The following MAN1C1 variants were observed in gnomAD, a reference collection of about 807,000 sequenced individuals.
The protein encoded by MAN1C1 is mannosyl-oligosaccharide 1,2-alpha-mannosidase IC.
MAN1C1 carries 49 observed loss-of-function variants against 71.5 expected under a neutral mutation model. That is an observed-to-expected ratio of 0.69 (90% CI 0.54 to 0.87). The LOEUF (loss-of-function observed/expected upper bound fraction) is 0.87, where lower values mean the gene tolerates loss of function less well. MAN1C1 is among the 40% of genes least tolerant of loss of function. The pLI is 0.00. For missense variants in MAN1C1, 743 were observed against 835.0 expected, an observed-to-expected ratio of 0.89 and a Z score of 1.36; for synonymous variants, 352 against 343.7, an observed-to-expected ratio of 1.02 and a Z score of -0.27.
intron 1 of MAN1C1, among the ~76,000 whole-genome samples, chr1:25,633,878 A>G (rs1271339026): frequency 2.6e-5 from 4 of 152,066 alleles, no homozygotes; most frequent in Non-Finnish European, 4.4e-5. Context: ...GCTCTGTTTT[A>G]TGCTTTCAAG....
chr1:25,769,926 C>A lies in MAN1C1; in HGVS notation c.1142-1731C>A, dbSNP rs1449244356. 6.6e-6 allele frequency among the ~76,000 whole-genome samples: 1 copy of A among 152,134 alleles called. No individual in the cohort carries two copies. Among genetic ancestry groups the A allele is most frequent in the Admixed American group, 6.5e-5 (1 of 15,284 alleles). ...CCGTGGCCACCCTATGGGGAGGGAC[C>A]GGGAGCAGGCTTGTGAGAATGCCTG... is the stretch of plus-strand genomic sequence containing the variant. On this transcript the variant is annotated intron_variant, in intron 7 of 11. Coordinates refer to ENST00000374332, the MANE Select transcript of MAN1C1 (RefSeq NM_020379.4). This position sits in a 1 kb window ranked among gnomAD's most constrained non-coding sequence, Gnocchi z 4.8.
At position 25,745,607 on chromosome 1, in the gene MAN1C1, GA is replaced by G. The variant is rs573601621; in HGVS notation, c.638-1060del. 1.8e-3 allele frequency among the ~76,000 whole-genome samples: 274 copies of G among 152,306 alleles called. 1 individual carries two copies. Among genetic ancestry groups the G allele is most frequent in the Non-Finnish European group, 2.7e-3 (183 of 68,022 alleles). ...GGCACAGGTCGACCTCACCTGCGTGGATGACTGCATGGTATCCTATTTTATA... is the reference window on the plus strand; with the variant it reads ...GGCACAGGTCGACCTCACCTGCGTGGTGACTGCATGGTATCCTATTTTATA... On this transcript the variant is annotated intron_variant, in intron 2 of 11. Coordinates refer to ENST00000374332, the MANE Select transcript of MAN1C1 (RefSeq NM_020379.4).
chr1:25,771,405 T>C (rs2047549100), intron 7 of MAN1C1, among the ~76,000 whole-genome samples: 1 of 152,036 alleles, frequency 6.6e-6, no homozygotes, highest in Non-Finnish European at 1.5e-5. Context: ...CGAGGTGATT[T>C]ATAGCACCCG....
intron 1 of MAN1C1, among the ~76,000 whole-genome samples, chr1:25,679,656 A>G (rs1171919424): frequency 6.6e-6 from 1 of 151,582 alleles, no homozygotes; most frequent in Non-Finnish European, 1.5e-5. Context: ...AAACGTTAAC[A>G]TTAATTTTAC....
rs2047626501 is a variant in MAN1C1 at position 25,776,935 on chromosome 1, C to T, written c.1258-1170C>T. On this transcript the variant is annotated intron_variant, in intron 8 of 11. Transcript: ENST00000374332. This position sits in a 1 kb window ranked among gnomAD's most constrained non-coding sequence, Gnocchi z 4.3. ...AGTTAATGCTCTTATCCCCAGTTTA[C>T]ACGTTAGGAAACTGAGGCACAGAGA... 6.6e-6 allele frequency among the ~76,000 whole-genome samples: 1 copy of T among 152,170 alleles called. No homozygotes were observed. The highest frequency in any genetic ancestry group is 2.4e-5 in the African/African-American group (1 of 41,424).
intron 7 of MAN1C1, among the ~76,000 whole-genome samples, chr1:25,768,176 C>A (rs2047476604): frequency 8.4e-6 from 1 of 119,360 alleles, no homozygotes; most frequent in Admixed American, 8.3e-5. Flanking sequence ...CCTCACACAC[C>A]CACAGTCCCC....
intron 4 of MAN1C1, among the ~76,000 whole-genome samples, chr1:25,749,860 C>T (rs71638392): frequency 6.6e-6 from 1 of 152,358 alleles, no homozygotes; most frequent in African/African-American, 2.4e-5. Flanking sequence ...CCCTCCCCTC[C>T]TGGGCCAACC....
chr1:25,644,518 A>ATATATATATTTTTTTTTT (rs61386117), intron 1 of MAN1C1: 1 of 40,286 alleles, frequency 2.5e-5, no homozygotes, highest in African/African-American at 1.9e-4. Flanking sequence ...ATATATATAT[A>ATATATATATTTTTTTTTT]TTTTTTTTTT....
intron 2 of MAN1C1, chr1:25,709,468 C>G (rs1375841894): frequency 1.3e-5 from 2 of 152,236 alleles, no homozygotes; most frequent in African/African-American, 4.8e-5. Flanking sequence ...GAGGCAGGCA[C>G]GCAGATGTTT....
chr1:25,678,565 A>C (rs1171107719), intron 1 of MAN1C1, among the ~76,000 whole-genome samples: 2 of 152,212 alleles, frequency 1.3e-5, no homozygotes, highest in Non-Finnish European at 2.9e-5. Flanking sequence ...TAATAACTTT[A>C]AAAGTTTTTT....
At chr1:25,768,377 A>ACACAGACC (rs2047485580) in intron 7 of MAN1C1, among the ~76,000 whole-genome samples, 1 of 94,032 alleles carries the variant, frequency 1.1e-5, no homozygotes. Context: ...CTCCCCCCAC[A>ACACAGACC]CACACTCCCC....
rs2047608073 is a variant in MAN1C1, at chr1:25,775,529, G to A, written c.1258-2576G>A. 6.6e-6 allele frequency among the ~76,000 whole-genome samples: 1 copy of A among 152,356 alleles called. No individual in the cohort carries two copies. The highest frequency in any genetic ancestry group is 2.1e-4 in the South Asian group (1 of 4,832). On this transcript the variant is annotated intron_variant, in intron 8 of 11. Transcript: ENST00000374332. The surrounding 1 kb of genome is among the most constrained non-coding windows in gnomAD (Gnocchi z 5.1). ...GAGGCTGCTGCTGGTGGCTTCTGCT[G>A]TCACACGGCACTCAGAGTCTGAGAG...
At chr1:25,623,643 A>T (rs1231179017) in intron 1 of MAN1C1, among the ~76,000 whole-genome samples, 1 of 152,252 alleles carries the variant, frequency 6.6e-6, no homozygotes, top group African/African-American at 2.4e-5. Context: ...ATTGAAAAAA[A>T]TAAATCAGTC....
intron 2 of MAN1C1, among the ~76,000 whole-genome samples, chr1:25,737,214 A>G (rs1218979237): frequency 4.6e-5 from 7 of 152,250 alleles, no homozygotes; most frequent in Non-Finnish European, 5.9e-5. Flanking sequence ...TCCAATGAGG[A>G]GCTGTGTCCA....
intron 1 of MAN1C1, among the ~76,000 whole-genome samples, chr1:25,667,311 C>T (rs1003132530): frequency 5.9e-5 from 9 of 151,752 alleles, no homozygotes; most frequent in East Asian, 1.9e-4. Context: ...TGGTGAAGCC[C>T]GGTCTCTACT....
rs747533281 is a variant in MAN1C1 at position 25,771,779 on chromosome 1, C to T, written c.1257+7C>T. 1.2e-6 allele frequency: 2 copies of T among 1,604,236 alleles called. No individual in the cohort carries two copies. The highest frequency in any genetic ancestry group is 1.3e-5 in the African/African-American group (1 of 74,886). ...GTACTACGAAGCCTTGGAGGTAAGA[C>T]AAGCCCTGGATTATTCACAGGCCGC... On this transcript the variant is annotated splice_region_variant and intron_variant, in intron 8 of 11. Transcript: ENST00000374332.
At chr1:25,662,593 C>T (rs1292023960) in intron 1 of MAN1C1, among the ~76,000 whole-genome samples, 1 of 152,048 alleles carries the variant, frequency 6.6e-6, no homozygotes, top group Non-Finnish European at 1.5e-5. Flanking sequence ...AACACGGTTC[C>T]CTAAAGCCCA....
chr1:25,657,123 C>T (rs1434022046), intron 1 of MAN1C1, among the ~76,000 whole-genome samples: 3 of 152,214 alleles, frequency 2.0e-5, no homozygotes, highest in African/African-American at 7.2e-5. Context: ...CCGCGCCCAG[C>T]CCCAACCTTG....
At chr1:25,649,641 C>T (rs898526703) in intron 1 of MAN1C1, among the ~76,000 whole-genome samples, 1 of 152,054 alleles carries the variant, frequency 6.6e-6, no homozygotes, top group African/African-American at 2.4e-5. Context: ...GGGTAGCAGT[C>T]CTTTTTCTTT....
Sources: gnomAD v4.1 joint callset for allele counts (sites outside exome capture counted in the v4.1 genomes callset) on GRCh38, gnomAD v4.1.1 for gene constraint, Gnocchi (gnomAD v3.1) non-coding constraint, MANE v1.5 for transcripts, NCBI Gene and HGNC (gene_info 2026-07-23, HGNC 2026-07-21) for gene names.